Variants in NUDT3 observed in about 807,000 individuals in gnomAD.
NUDT3 encodes the protein diphosphoinositol polyphosphate phosphohydrolase 1.
Under a neutral mutation model 23.6 loss-of-function variants are expected in NUDT3, and 9 were observed. That is an observed-to-expected ratio of 0.38 (90% CI 0.23 to 0.66). The LOEUF is 0.66. NUDT3 is among the 30% of genes least tolerant of loss of function. NUDT3 has a pLI of 0.52. For missense variants in NUDT3, 172 were observed against 218.5 expected (o/e 0.79, Z 1.34); for synonymous variants, 86 against 82.6 (o/e 1.04, Z -0.22).
chr6:34,331,178 C>T (rs1221928291), intron 2 of NUDT3, among the ~76,000 whole-genome samples: 6 of 152,054 alleles, frequency 3.9e-5, no homozygotes, highest in African/African-American at 7.2e-5. Context: ...TGATAGACTG[C>T]GGATAGATTA....
chr6:34,327,136 C>A (rs888559860), intron 2 of NUDT3, among the ~76,000 whole-genome samples: 7 of 151,986 alleles, frequency 4.6e-5, no homozygotes, highest in African/African-American at 1.7e-4. Flanking sequence ...TAAGGTCAAG[C>A]AAGTCACATG....
intron 1 of NUDT3, among the ~76,000 whole-genome samples, chr6:34,344,530 T>C (rs536536573): frequency 2.4e-4 from 36 of 152,320 alleles, no homozygotes; most frequent in Middle Eastern, 3.4e-3. Context: ...GATTGGTGGT[T>C]ACCAGGAACT....
chr6:34,392,577 G>GT lies in NUDT3; in HGVS notation c.-216dup. 2.9e-6 allele frequency: 1 copy of GT among 345,174 alleles called. No homozygotes were observed. Among genetic ancestry groups the GT allele is most frequent in the Non-Finnish European group, 5.2e-6 (1 of 192,156 alleles). 21.4% of individuals were successfully genotyped at this position (345,174 alleles called of 1,614,324 possible). A position where few individuals can be genotyped will look rare whatever the true frequency, so the allele number is the denominator to read the frequency against. On this transcript the variant is annotated 5_prime_UTR_variant, in exon 1 of 5. It removes the in-frame stop codon of an upstream open reading frame in the 5' UTR. Transcript: ENST00000607016. ...CGCCGCTGCCACCGTCACGGCTGCC[G>GT]TCTCCGCTGCCGCCAGGGCCGCCGC...
intron 2 of NUDT3, among the ~76,000 whole-genome samples, chr6:34,338,360 A>G (rs1764240250): frequency 6.6e-6 from 1 of 152,244 alleles, no homozygotes; most frequent in Admixed American, 6.5e-5. Context: ...CCTAGGAGCC[A>G]GTCTTTTGTG....
In NUDT3 at chr6:34,283,086, G is replaced by A. The variant is rs916141127; in HGVS notation, c.*5667C>T. 1 of 151,984 alleles carries A rather than the reference G, an allele frequency of 6.6e-6. No homozygotes were observed. Among genetic ancestry groups the A allele is most frequent in the African/African-American group, 2.4e-5 (1 of 41,356 alleles). 9.4% of individuals were successfully genotyped at this position (151,984 alleles called of 1,614,324 possible). On this transcript the variant is annotated 3_prime_UTR_variant, in exon 5 of 5. Coordinates refer to ENST00000607016, the MANE Select transcript of NUDT3 (RefSeq NM_006703.4). Reference sequence around the variant, plus strand: ...CCACTATAAACAAAGCTTCAGGGAAGAGACATAACCTTACTTCAAAAGCTT... The same window carrying A: ...CCACTATAAACAAAGCTTCAGGGAAAAGACATAACCTTACTTCAAAAGCTT...
At chr6:34,332,272 TAGAAAA>T (rs1764139730) in intron 2 of NUDT3, among the ~76,000 whole-genome samples, 1 of 152,128 alleles carries the variant, frequency 6.6e-6, no homozygotes, top group Admixed American at 6.5e-5. Flanking sequence ...ATATTAAAGC[TAGAAAA>T]AGAAAATGTT....
intron 1 of NUDT3, among the ~76,000 whole-genome samples, chr6:34,375,567 C>T (rs1054304304): frequency 1.1e-4 from 16 of 152,050 alleles, no homozygotes; most frequent in African/African-American, 3.9e-4. Flanking sequence ...TTTTTCTTGC[C>T]CCTCAAATCA....
chr6:34,360,351 A>G, intron 1 of NUDT3, among the ~76,000 whole-genome samples: 1 of 152,046 alleles, frequency 6.6e-6, no homozygotes, highest in East Asian at 1.9e-4. Context: ...AGGTGGGTGG[A>G]TCACCTGAGG....
intron 2 of NUDT3, among the ~76,000 whole-genome samples, chr6:34,315,209 T>G (rs7760373): frequency 0.11 from 16,170 of 152,244 alleles, 913 homozygotes; most frequent in Non-Finnish European, 0.12. Flanking sequence ...TGGTTTTGAA[T>G]TCTTAAGTGA....
chr6:34,319,393 T>A (rs169583), intron 2 of NUDT3, among the ~76,000 whole-genome samples: 3 of 152,178 alleles, frequency 2.0e-5, no homozygotes, highest in African/African-American at 7.2e-5. Context: ...TTGGGCTCAA[T>A]TGCTAAAGCA....
chr6:34,390,658 T>C (rs1765183803), intron 1 of NUDT3, among the ~76,000 whole-genome samples: 1 of 152,090 alleles, frequency 6.6e-6, no homozygotes, highest in Non-Finnish European at 1.5e-5. Context: ...ACGCCCGGCC[T>C]GGTGTGATTT....
At chr6:34,383,822 G>A (rs570540776) in intron 1 of NUDT3, among the ~76,000 whole-genome samples, 10 of 152,236 alleles carry the variant, frequency 6.6e-5, no homozygotes, top group South Asian at 2.1e-4. Context: ...AAAAAATAAC[G>A]TAATGGAAGA....
chr6:34,322,930 C>T (rs1359393499), intron 2 of NUDT3, among the ~76,000 whole-genome samples: 4 of 152,152 alleles, frequency 2.6e-5, no homozygotes, highest in Non-Finnish European at 4.4e-5. Context: ...TAACAAAGAA[C>T]GAAATAATGT....
chr6:34,364,713 T>C (rs886704671), intron 1 of NUDT3, among the ~76,000 whole-genome samples: 3 of 152,174 alleles, frequency 2.0e-5, no homozygotes, highest in Non-Finnish European at 2.9e-5. Context: ...CAGTAGAGTG[T>C]ATATAAGGTA....
At chr6:34,290,304 T>C (rs1344547079) in intron 4 of NUDT3, among the ~76,000 whole-genome samples, 1 of 151,460 alleles carries the variant, frequency 6.6e-6, no homozygotes, top group African/African-American at 2.4e-5. Context: ...ATGATCATAG[T>C]TCACTGCAAA....
At position 34,342,276 on chromosome 6, in the gene NUDT3, G is replaced by T. The variant is rs189234978; in HGVS notation, c.100-304C>A. ...CCTTTGAACACAGACCTGACAAGGTGAATAGAAGACTTCAAAAAAAAAAAA... is the reference window on the plus strand; with the variant it reads ...CCTTTGAACACAGACCTGACAAGGTTAATAGAAGACTTCAAAAAAAAAAAA... On this transcript the variant is annotated intron_variant, in intron 1 of 4. Coordinates refer to ENST00000607016, the MANE Select transcript of NUDT3 (RefSeq NM_006703.4). 2.2e-3 allele frequency among the ~76,000 whole-genome samples: 186 copies of T among 85,692 alleles called. 1 individual carries two copies. The highest frequency in any genetic ancestry group is 0.011 in the Middle Eastern group (1 of 88). 56.2% of individuals were successfully genotyped at this position (85,692 alleles called of 152,430 possible).
At chr6:34,345,520 G>A (rs530487492) in intron 1 of NUDT3, among the ~76,000 whole-genome samples, 15 of 151,168 alleles carry the variant, frequency 9.9e-5, no homozygotes, top group East Asian at 8.4e-4. Context: ...AAAATGAACC[G>A]GGTGTGGTGG....
intron 1 of NUDT3, among the ~76,000 whole-genome samples, chr6:34,389,615 A>G (rs1010195400): frequency 6.6e-6 from 1 of 151,770 alleles, no homozygotes. Flanking sequence ...CCATGATCAC[A>G]CCACTACACT....
intron 2 of NUDT3, among the ~76,000 whole-genome samples, chr6:34,335,548 G>A (rs996444533): frequency 6.6e-6 from 1 of 151,730 alleles, no homozygotes; most frequent in African/African-American, 2.4e-5. Flanking sequence ...ACTTATTCTG[G>A]CTGGCAGTCT....
Sources: allele counts gnomAD v4.1 joint callset (sites outside exome capture counted in the v4.1 genomes callset), GRCh38; gene constraint gnomAD v4.1.1; transcripts MANE v1.5; gene names NCBI Gene and HGNC (gene_info 2026-07-23, HGNC 2026-07-21).